LAMA2: variants seen among roughly 807,000 people sequenced by gnomAD.
LAMA2 encodes the protein laminin subunit alpha-2.
LAMA2 carries 269 observed loss-of-function variants against 364.8 expected under a neutral mutation model. The ratio of observed to expected loss-of-function variants is 0.74; its 90% CI spans 0.67 to 0.82. LAMA2 has a LOEUF of 0.82. Among genes scored for constraint, LAMA2 ranks in the 40% least tolerant of loss-of-function variants. The pLI, the probability that LAMA2 is intolerant of heterozygous loss-of-function variation, is 0.00. For synonymous variants in LAMA2, 1,379 were observed against 1,370.6 expected (o/e 1.01, Z -0.14); for missense variants, 3,807 against 3,873.2 (o/e 0.98, Z 0.45).
chr6:129,486,675 C>T, intron 56 of LAMA2, 53 bp downstream of exon 56: 1 of 1,522,654 alleles, frequency 6.6e-7, no homozygotes. Flanking sequence ...ACTTCCTTTG[C>T]TAGCATCGGT....
At chr6:128,916,104 A>G (rs1479728089) in intron 1 of LAMA2, among the ~76,000 whole-genome samples, 4 of 152,154 alleles carry the variant, frequency 2.6e-5, no homozygotes, top group Admixed American at 2.6e-4. Flanking sequence ...AATTGCTGCT[A>G]GTTCATCTCC....
At chr6:129,203,080 A>G (rs1324176847) in intron 12 of LAMA2, among the ~76,000 whole-genome samples, 1 of 152,250 alleles carries the variant, frequency 6.6e-6, no homozygotes, top group Non-Finnish European at 1.5e-5. Flanking sequence ...CTTCCTGTAT[A>G]AAATTTTCCC....
chr6:129,087,024 C>G (rs1774425502), intron 3 of LAMA2, among the ~76,000 whole-genome samples: 2 of 152,174 alleles, frequency 1.3e-5, no homozygotes, highest in Admixed American at 6.5e-5. Context: ...CCCTCTTATA[C>G]TTTTCAGGAC....
intron 1 of LAMA2, among the ~76,000 whole-genome samples, chr6:128,894,319 T>G (rs532630952): frequency 3.3e-5 from 5 of 152,328 alleles, no homozygotes; most frequent in Non-Finnish European, 5.9e-5. Flanking sequence ...AATTACATTT[T>G]TTATGACTAT....
At chr6:129,107,047 T>C (rs1390925018) in intron 4 of LAMA2, among the ~76,000 whole-genome samples, 1 of 151,962 alleles carries the variant, frequency 6.6e-6, no homozygotes, top group Non-Finnish European at 1.5e-5. Context: ...CAGGATCCAC[T>C]GATATGGAAC....
chr6:129,389,528 A>G (rs1438441467), intron 35 of LAMA2, among the ~76,000 whole-genome samples: 1 of 152,156 alleles, frequency 6.6e-6, no homozygotes, highest in African/African-American at 2.4e-5. Context: ...TTATGACCTA[A>G]TCTCCTCTCA....
Position 129,460,284 on chromosome 6 carries a change from T to A in LAMA2, c.6952T>A (p.Phe2318Ile), listed in dbSNP as rs757197871. The change falls in exon 49 of 65, where the codon TTC becomes ATC. Residue 2318 changes from phenylalanine to isoleucine, a missense_variant. Physicochemically the swap from Phe to Ile is conservative, Grantham distance 21. This residue lies in a region of LAMA2 where 3,333 missense variants were observed against 3,345.7 expected (regional missense o/e 1.00). Coordinates refer to ENST00000421865, the MANE Select transcript of LAMA2 (RefSeq NM_000426.4). The stretch of plus-strand genomic sequence containing the variant: ...CAACAAACCTATAGGTTTGTGGAAT[T>A]TCCGAGAAAAAGAAGGTGACTGCAA... The part of the protein sequence containing the change: ...FDNKPIGLWN[F>I]REKEGDCKGC... 1 of 1,612,330 alleles carries A rather than the reference T, an allele frequency of 6.2e-7. No homozygotes were observed. Among genetic ancestry groups the A allele is most frequent in the Admixed American group, 1.7e-5 (1 of 59,870 alleles).
intron 9 of LAMA2, among the ~76,000 whole-genome samples, chr6:129,172,704 G>C (rs1334615438): frequency 3.3e-5 from 5 of 152,250 alleles, no homozygotes; most frequent in African/African-American, 7.2e-5. Flanking sequence ...GCTCCACCCA[G>C]TTGGAGCTTC....
At position 129,077,137 on chromosome 6, in the gene LAMA2, G is replaced by A. The variant is rs555359240; in HGVS notation, c.396+17241G>A. On this transcript the variant is annotated intron_variant, in intron 3 of 64. Transcript: ENST00000421865. ...GTGGGCTAGAATATATGATATTCACGTAATAATATTTAAATTGAATTTCAT... is the reference window on the plus strand; with the variant it reads ...GTGGGCTAGAATATATGATATTCACATAATAATATTTAAATTGAATTTCAT... 1.4e-4 allele frequency among the ~76,000 whole-genome samples: 22 copies of A among 152,146 alleles called. No homozygotes were observed. In the South Asian group the frequency reaches 2.1e-3, roughly 14 times the overall value.
At chr6:128,993,656 GT>G (rs1783746780) in intron 1 of LAMA2, among the ~76,000 whole-genome samples, 1 of 152,016 alleles carries the variant, frequency 6.6e-6, no homozygotes, top group Admixed American at 6.6e-5. Context: ...TAAAAAGATT[GT>G]TTTTAAAAAA....
At chr6:129,052,149 T>G (rs1788099360) in intron 2 of LAMA2, among the ~76,000 whole-genome samples, 1 of 150,550 alleles carries the variant, frequency 6.6e-6, no homozygotes, top group South Asian at 2.1e-4. Flanking sequence ...TTTTTTTTTT[T>G]TTTTTAGGCA....
chr6:128,941,049 T>A (rs1477996854), intron 1 of LAMA2, among the ~76,000 whole-genome samples: 1 of 152,172 alleles, frequency 6.6e-6, no homozygotes, highest in Non-Finnish European at 1.5e-5. Flanking sequence ...TACAGAACCA[T>A]GTATTCCATA....
chr6:129,441,090 C>A, intron 43 of LAMA2, 92 bp downstream of exon 43: 1 of 1,111,414 alleles, frequency 9.0e-7, no homozygotes, highest in Non-Finnish European at 1.3e-6. Flanking sequence ...TGGAAAGACC[C>A]TCATGGTGGT....
intron 1 of LAMA2, among the ~76,000 whole-genome samples, chr6:128,919,071 T>C (rs1778529758): frequency 6.6e-6 from 1 of 152,226 alleles, no homozygotes; most frequent in Non-Finnish European, 1.5e-5. Context: ...ATCTGACTCA[T>C]GATGTTTCTC....
intron 4 of LAMA2, among the ~76,000 whole-genome samples, chr6:129,105,991 C>T (rs1444517164): frequency 6.6e-6 from 1 of 152,108 alleles, no homozygotes; most frequent in Non-Finnish European, 1.5e-5. Context: ...CATACAGAGG[C>T]CTTTAAGTTA....
intron 3 of LAMA2, among the ~76,000 whole-genome samples, chr6:129,095,898 G>A (rs1775153049): frequency 6.6e-6 from 1 of 151,802 alleles, no homozygotes; most frequent in South Asian, 2.1e-4. Context: ...ACTCCATCCT[G>A]GACAACAGAG....
chr6:129,207,173 C>T (rs770014101), intron 12 of LAMA2, among the ~76,000 whole-genome samples: 4 of 152,324 alleles, frequency 2.6e-5, no homozygotes, highest in East Asian at 1.9e-4. Context: ...TCCAAAGAAA[C>T]GGGCCCTTCT....
At chr6:128,903,677 C>T (rs1028480054) in intron 1 of LAMA2, among the ~76,000 whole-genome samples, 3 of 152,056 alleles carry the variant, frequency 2.0e-5, no homozygotes, top group African/African-American at 7.2e-5. Flanking sequence ...TTTATTATTC[C>T]CTTGTAGGAA....
At chr6:129,459,405 C>A (rs1007973529) in intron 48 of LAMA2, among the ~76,000 whole-genome samples, 1 of 152,082 alleles carries the variant, frequency 6.6e-6, no homozygotes, top group African/African-American at 2.4e-5. Flanking sequence ...TCTCTTTCTT[C>A]ATGATTGTGT....
Sources: allele counts gnomAD v4.1 joint callset (sites outside exome capture counted in the v4.1 genomes callset), GRCh38; gene constraint gnomAD v4.1.1; regional missense constraint gnomAD v4.1.1; transcripts MANE v1.5; gene names NCBI Gene and HGNC (gene_info 2026-07-23, HGNC 2026-07-21).